Variants in PRDM16 observed in about 807,000 individuals in gnomAD.
PRDM16 encodes PR/SET domain 16.
Under a neutral mutation model 110.6 loss-of-function variants are expected in PRDM16, and 23 were observed. That is an observed-to-expected ratio of 0.21 (90% CI 0.15 to 0.29). The LOEUF (loss-of-function observed/expected upper bound fraction) is 0.29. Ranked by LOEUF, PRDM16 falls within the 10% of genes least tolerant of loss-of-function variation. The pLI, the probability that PRDM16 is intolerant of heterozygous loss-of-function variation, is 1.00. For synonymous variants in PRDM16, 799 were observed against 781.8 expected (o/e 1.02, Z -0.37); for missense variants, 1,615 against 1,794.3 (o/e 0.90, Z 1.81).
intron 14 of PRDM16, 101 bp from the exon 15 acceptor site, chr1:3,430,771 G>C: frequency 1.4e-6 from 2 of 1,379,330 alleles, no homozygotes; most frequent in Admixed American, 1.7e-5. Flanking sequence ...GAGTGTTGTC[G>C]GGGGAGGCAG....
Position 3,436,343 on chromosome 1 carries a change from C to T in PRDM16, c.*2532C>T, listed in dbSNP as rs954035819. ...TCCGGATCCCCCAGTCCCATCCCGC[C>T]GTTTTCGGCTGTCTTCCTAACCGTC... On this transcript the variant is annotated 3_prime_UTR_variant, in exon 17 of 17. Coordinates refer to ENST00000270722, the MANE Select transcript of PRDM16 (RefSeq NM_022114.4). The T allele has an allele frequency of 4.3e-5, 10 of 230,952 alleles. No homozygotes were observed. In the South Asian group the frequency reaches 7.3e-4, roughly 17 times the overall value. The allele number at this position is 230,952 out of a possible 1,614,324, so 14.3% of individuals were successfully genotyped here.
chr1:3,116,584 TC>T (rs1259438666), intron 1 of PRDM16, among the ~76,000 whole-genome samples: 1 of 151,884 alleles, frequency 6.6e-6, no homozygotes, highest in Non-Finnish European at 1.5e-5. Context: ...CCTTCCTCTC[TC>T]CCCGCCCGGG....
intron 1 of PRDM16, among the ~76,000 whole-genome samples, chr1:3,114,211 G>GAA: frequency 2.1e-5 from 1 of 47,018 alleles, no homozygotes; most frequent in Non-Finnish European, 3.5e-5. Context: ...ACGCACACAC[G>GAA]CACACGAACA....
chr1:3,260,418 T>G (rs180827042), intron 3 of PRDM16, among the ~76,000 whole-genome samples: 8 of 152,298 alleles, frequency 5.3e-5, no homozygotes, highest in Admixed American at 1.3e-4. Context: ...GTAAGAAAAC[T>G]CCTTTATCCT....
At chr1:3,251,116 C>T (rs1639919630) in intron 3 of PRDM16, among the ~76,000 whole-genome samples, 1 of 152,250 alleles carries the variant, frequency 6.6e-6, no homozygotes, top group Non-Finnish European at 1.5e-5. Flanking sequence ...CCAAGTTAAA[C>T]AGAGGGGTCT....
rs547629964 is a variant in PRDM16 at position 3,388,962 on chromosome 1, G to A, written c.573+3676G>A. Among the ~76,000 whole-genome samples, 8 of 152,306 alleles carry A rather than the reference G, an allele frequency of 5.3e-5. No individual in the cohort carries two copies. In the East Asian group the frequency reaches 1.4e-3, roughly 26 times the overall value. On this transcript the variant is annotated intron_variant, in intron 4 of 16. Transcript: ENST00000270722. ...TAGCTGATGCTTTGGGGCGCTCCAG[G>A]GCACCTGCTGAGCTGGGCAGTGCAG...
chr1:3,219,200 A>G (rs1639098012), intron 2 of PRDM16, among the ~76,000 whole-genome samples: 1 of 152,212 alleles, frequency 6.6e-6, no homozygotes. Flanking sequence ...CTCGGCAAAC[A>G]TTTTTATTTC....
At chr1:3,215,771 C>G (rs1639012802) in intron 2 of PRDM16, among the ~76,000 whole-genome samples, 1 of 152,144 alleles carries the variant, frequency 6.6e-6, no homozygotes, top group Non-Finnish European at 1.5e-5. Context: ...GGTTTCCCCT[C>G]AGCTCTCACA....
At chr1:3,427,172 T>G (rs762145523) in intron 14 of PRDM16, among the ~76,000 whole-genome samples, 3 of 152,214 alleles carry the variant, frequency 2.0e-5, no homozygotes, top group Non-Finnish European at 4.4e-5. Context: ...GCATGCTCTG[T>G]GCAACCTGGG....
intron 1 of PRDM16, among the ~76,000 whole-genome samples, chr1:3,098,023 G>A (rs1427038475): frequency 4.6e-5 from 7 of 152,170 alleles, no homozygotes; most frequent in African/African-American, 9.7e-5. Flanking sequence ...TCCTCCAGCA[G>A]GACTGGAAAC....
At chr1:3,329,041 G>A (rs376824206) in intron 3 of PRDM16, among the ~76,000 whole-genome samples, 2 of 151,860 alleles carry the variant, frequency 1.3e-5, no homozygotes, top group East Asian at 3.9e-4. Flanking sequence ...AGGAATGGGC[G>A]CCTTCTCCCT....
intron 3 of PRDM16, among the ~76,000 whole-genome samples, chr1:3,381,289 G>A (rs1408013085): frequency 1.3e-5 from 2 of 152,182 alleles, no homozygotes; most frequent in African/African-American, 2.4e-5. Context: ...GATGGCGAGG[G>A]GCTTGGAAGC....
Position 3,396,531 on chromosome 1 carries a change from A to T in PRDM16, c.614A>T (p.Glu205Val). Residue 205 changes from glutamate to valine, a missense_variant, in exon 5 of 17, where the codon GAG (glutamate) becomes GTG (valine). By Grantham distance (121) the Glu-to-Val change is moderately radical (BLOSUM62 -2). This residue lies in a region of PRDM16 where 416 missense variants were observed against 467.1 expected (regional missense o/e 0.89). Coordinates refer to ENST00000270722, the MANE Select transcript of PRDM16 (RefSeq NM_022114.4). The stretch of plus-strand genomic sequence containing the variant: ...ATTAAGGACATTGAGCCAGGTGAGG[A>T]GCTGCTGGTGCACGTGAAGGAAGGC... ...KVIKDIEPGE[E>V]LLVHVKEGVY... 6.2e-7 allele frequency: 1 copy of T among 1,607,454 alleles called. No individual in the cohort carries two copies. The highest frequency in any genetic ancestry group is 8.5e-7 in the Non-Finnish European group (1 of 1,176,636).
chr1:3,155,803 C>T (rs1557488883), intron 1 of PRDM16, among the ~76,000 whole-genome samples: 1 of 152,320 alleles, frequency 6.6e-6, no homozygotes, highest in East Asian at 1.9e-4. Context: ...AGCTCAGGGA[C>T]GCAGCTGATT....
At chr1:3,219,474 G>T (rs1403469336) in intron 2 of PRDM16, among the ~76,000 whole-genome samples, 1 of 152,214 alleles carries the variant, frequency 6.6e-6, no homozygotes. Context: ...TGGGGCGGGG[G>T]AAGGGGTCCA....
intron 1 of PRDM16, among the ~76,000 whole-genome samples, chr1:3,153,336 A>C (rs1244917358): frequency 6.6e-6 from 1 of 152,176 alleles, no homozygotes; most frequent in Non-Finnish European, 1.5e-5. Context: ...GGGTGTGCAC[A>C]TGTGTGTGCT....
chr1:3,424,176 TG>T (rs1638520484), intron 12 of PRDM16, among the ~76,000 whole-genome samples: 1 of 152,228 alleles, frequency 6.6e-6, no homozygotes, highest in South Asian at 2.1e-4. Context: ...ACAGAGCTCA[TG>T]GGGTTCCTCC....
At chr1:3,130,922 G>A (rs1643322032) in intron 1 of PRDM16, among the ~76,000 whole-genome samples, 1 of 151,996 alleles carries the variant, frequency 6.6e-6, no homozygotes, top group Non-Finnish European at 1.5e-5. Context: ...TCTGCAGGTT[G>A]TGCCCTGTTC....
At chr1:3,079,215 G>A (rs912415998) in intron 1 of PRDM16, among the ~76,000 whole-genome samples, 3 of 152,264 alleles carry the variant, frequency 2.0e-5, no homozygotes, top group Admixed American at 1.3e-4. Flanking sequence ...AGGCCGTGAT[G>A]GGGAGGAGAG....
Sources: allele counts gnomAD v4.1 joint callset (sites outside exome capture counted in the v4.1 genomes callset), GRCh38; gene constraint gnomAD v4.1.1; regional missense constraint gnomAD v4.1.1; transcripts MANE v1.5; gene names NCBI Gene and HGNC (gene_info 2026-07-23, HGNC 2026-07-21).